The following KIAA1549L variants were observed in gnomAD, a reference collection of about 807,000 sequenced individuals.
KIAA1549L encodes UPF0606 protein KIAA1549L.
A neutral mutation model predicts 160.7 loss-of-function variants in KIAA1549L; 88 were observed. The observed-to-expected ratio is 0.55, with a 90% CI of 0.46 to 0.65. The LOEUF is 0.65. Ranked by LOEUF, KIAA1549L falls within the 30% of genes least tolerant of loss-of-function variation. The pLI, the probability that KIAA1549L is intolerant of heterozygous loss-of-function variation, is 0.00. For synonymous variants in KIAA1549L, 950 were observed against 976.7 expected (o/e 0.97, Z 0.51); for missense variants, 2,258 against 2,437.5 (o/e 0.93, Z 1.55).
intron 16 of KIAA1549L, among the ~76,000 whole-genome samples, chr11:33,630,033 G>A (rs1851234494): frequency 6.6e-6 from 1 of 152,104 alleles, no homozygotes; most frequent in Non-Finnish European, 1.5e-5. Context: ...CAGGTCTGTT[G>A]GAGTACTGGA....
chr11:33,662,226 AT>A (rs760385453), intron 20 of KIAA1549L, among the ~76,000 whole-genome samples: 2 of 151,450 alleles, frequency 1.3e-5, no homozygotes, highest in African/African-American at 4.9e-5. Flanking sequence ...GGCCCAGTAT[AT>A]TTTTTTTCTG....
At chr11:33,563,477 G>GTCCTCTCCCATCCCCTCTC (rs1332751900) in intron 8 of KIAA1549L, among the ~76,000 whole-genome samples, 8 of 151,804 alleles carry the variant, frequency 5.3e-5, no homozygotes, top group Admixed American at 1.3e-4. Context: ...CCTCCCCTCT[G>GTCCTCTCCCATCCCCTCTC]TCCTCTCCCA....
intron 1 of KIAA1549L, among the ~76,000 whole-genome samples, chr11:33,505,326 A>G (rs1043871059): frequency 6.6e-6 from 1 of 152,194 alleles, no homozygotes; most frequent in Non-Finnish European, 1.5e-5. Context: ...TCTCCAGTGA[A>G]TGCCTCTTAT....
intron 16 of KIAA1549L, among the ~76,000 whole-genome samples, chr11:33,619,649 C>T (rs996956845): frequency 2.6e-5 from 4 of 152,062 alleles, no homozygotes; most frequent in Non-Finnish European, 1.5e-5. Context: ...TAATCACCTT[C>T]CTTATATTTA....
intron 6 of KIAA1549L, among the ~76,000 whole-genome samples, chr11:33,553,686 T>C (rs1854550845): frequency 6.6e-6 from 1 of 152,248 alleles, no homozygotes; most frequent in Non-Finnish European, 1.5e-5. Flanking sequence ...CTCTTTTTCT[T>C]TCTGATTGGA....
chr11:33,509,644 G>C (rs1024516725), intron 1 of KIAA1549L, among the ~76,000 whole-genome samples: 2 of 152,208 alleles, frequency 1.3e-5, no homozygotes, highest in Non-Finnish European at 2.9e-5. Context: ...GAGGCAGGAG[G>C]TTTATGATTT....
At chr11:33,560,454 G>A (rs1055901133) in intron 7 of KIAA1549L, among the ~76,000 whole-genome samples, 2 of 152,262 alleles carry the variant, frequency 1.3e-5, no homozygotes, top group Non-Finnish European at 2.9e-5. Flanking sequence ...CTTGAGGCTC[G>A]GTCCTGCCTC....
intron 1 of KIAA1549L, among the ~76,000 whole-genome samples, chr11:33,522,337 TACATC>T (rs983812635): frequency 1.3e-5 from 2 of 152,180 alleles, no homozygotes; most frequent in East Asian, 1.9e-4. Flanking sequence ...CAGTAAAACT[TACATC>T]TAATCAGTCA....
chr11:33,646,287 C>A (rs1461048850), intron 17 of KIAA1549L, among the ~76,000 whole-genome samples: 4 of 152,232 alleles, frequency 2.6e-5, no homozygotes, highest in Admixed American at 6.5e-5. Context: ...ATTGCCTTTT[C>A]TACTATCCCT....
At chr11:33,377,080 G>A (rs1849970661) in intron 1 of KIAA1549L, among the ~76,000 whole-genome samples, 191 bp downstream of exon 1, 1 of 152,204 alleles carries the variant, frequency 6.6e-6, no homozygotes, top group African/African-American at 2.4e-5. Flanking sequence ...AAAAAAAGGA[G>A]CAATCGCCTC....
chr11:33,550,959 C>T (rs1042496546), intron 4 of KIAA1549L, 81 bp from the exon 5 acceptor site: 40 of 1,100,220 alleles, frequency 3.6e-5, no homozygotes, highest in African/African-American at 1.7e-4. Context: ...TTCTAACAGC[C>T]GTGGTTCTAA....
chr11:33,431,931 C>CT (rs1851254639), intron 1 of KIAA1549L, among the ~76,000 whole-genome samples: 1 of 152,262 alleles, frequency 6.6e-6, no homozygotes. Flanking sequence ...GAGCTCAGCG[C>CT]TGGTGGGCTG....
intron 1 of KIAA1549L, among the ~76,000 whole-genome samples, chr11:33,498,892 T>G (rs1419711895): frequency 1.3e-5 from 2 of 152,182 alleles, no homozygotes; most frequent in Non-Finnish European, 2.9e-5. Context: ...TCCCTAGATT[T>G]CTTCTTACGT....
At chr11:33,474,320 G>A (rs77126307) in intron 1 of KIAA1549L, among the ~76,000 whole-genome samples, 1,891 of 152,250 alleles carry the variant, frequency 0.012, 30 homozygotes, top group African/African-American at 0.043. Flanking sequence ...CCCCACCTCC[G>A]TGATTCCAGA....
In KIAA1549L at chr11:33,485,755, T is replaced by G. The variant is rs367907344; in HGVS notation, c.239-56047T>G. ...TGTATTCTTCTTGACTGAAATTTTA[T>G]ATCCTTTGACTAACATCTCCCCATT... On this transcript the variant is annotated intron_variant, in intron 1 of 20. Coordinates refer to ENST00000658780, the MANE Select transcript of KIAA1549L (RefSeq NM_012194.3). Among the ~76,000 whole-genome samples the G allele has an allele frequency of 2.1e-4, 32 of 152,314 alleles. 1 individual carries two copies. The East Asian group carries it at 5.2e-3, about 25-fold the overall frequency.
At chr11:33,660,644 C>T (rs373674218) in intron 19 of KIAA1549L, among the ~76,000 whole-genome samples, 162 of 152,260 alleles carry the variant, frequency 1.1e-3, no homozygotes, top group African/African-American at 3.6e-3. Context: ...GGGATCTTAG[C>T]CATCATGGCC....
intron 19 of KIAA1549L, among the ~76,000 whole-genome samples, 198 bp from the exon 20 acceptor site, chr11:33,660,665 C>T (rs1469893922): frequency 6.6e-6 from 1 of 152,224 alleles, no homozygotes; most frequent in East Asian, 1.9e-4. Flanking sequence ...AGGTCCACTG[C>T]ACCTTAAATG....
chr11:33,397,510 A>C (rs938882589), intron 1 of KIAA1549L, among the ~76,000 whole-genome samples: 4 of 150,710 alleles, frequency 2.7e-5, no homozygotes, highest in African/African-American at 4.9e-5. Context: ...GGAGTTCGAC[A>C]CCAGCCTGGC....
At chr11:33,632,367 T>A (rs1851320211) in intron 16 of KIAA1549L, among the ~76,000 whole-genome samples, 1 of 152,228 alleles carries the variant, frequency 6.6e-6, no homozygotes, top group African/African-American at 2.4e-5. Context: ...TGAGCCATCA[T>A]ATGCCAAGTG....
Sources: gnomAD v4.1 joint callset for allele counts (sites outside exome capture counted in the v4.1 genomes callset) on GRCh38, gnomAD v4.1.1 for gene constraint, MANE v1.5 for transcripts, NCBI Gene and HGNC (gene_info 2026-07-23, HGNC 2026-07-21) for gene names.